Variants in ACAD10 observed in about 807,000 individuals in gnomAD.
The protein encoded by ACAD10 is ACAD-10.
In ACAD10, 112 loss-of-function variants were observed where a neutral mutation model predicts 116.8. That is an observed-to-expected ratio of 0.96 (90% CI 0.82 to 1.12). The LOEUF (loss-of-function observed/expected upper bound fraction) is 1.12. Ranked by LOEUF, ACAD10 falls within the 50% of genes most tolerant of loss-of-function variation. The probability of loss-of-function intolerance (pLI) is 0.00; values close to 1 mark genes in which losing one functional copy is unlikely to be tolerated. For missense variants in ACAD10, 1,259 were observed against 1,350.2 expected, an observed-to-expected ratio of 0.93 and a Z score of 1.06; for synonymous variants, 486 against 510.6, an observed-to-expected ratio of 0.95 and a Z score of 0.65.
chr12:111,747,769 G>A (rs1889956053), intron 16 of ACAD10: 4 of 1,049,124 alleles, frequency 3.8e-6, no homozygotes, highest in Non-Finnish European at 3.5e-6. Flanking sequence ...GACTTTTAGG[G>A]ATTGTCCAGT....
At chr12:111,733,199 G>A (rs1479728775) in intron 10 of ACAD10, among the ~76,000 whole-genome samples, 1 of 152,172 alleles carries the variant, frequency 6.6e-6, no homozygotes, top group Non-Finnish European at 1.5e-5. Context: ...CCTGGGCTCA[G>A]TGATGCTCCC....
At chr12:111,748,897 T>C (rs1381030917) in intron 17 of ACAD10, 2 of 1,088,566 alleles carry the variant, frequency 1.8e-6, no homozygotes, top group African/African-American at 3.1e-5. Flanking sequence ...CACTACATTG[T>C]CACAAACCAC....
At chr12:111,694,958 A>G (rs1888155381) in intron 2 of ACAD10, among the ~76,000 whole-genome samples, 1 of 152,034 alleles carries the variant, frequency 6.6e-6, no homozygotes, top group African/African-American at 2.4e-5. Context: ...AGCCTGGGCG[A>G]TTGAGGCTGC....
chr12:111,743,720 T>C (rs1413690883), intron 12 of ACAD10, among the ~76,000 whole-genome samples: 1 of 152,154 alleles, frequency 6.6e-6, no homozygotes, highest in East Asian at 1.9e-4. Context: ...AGGAGGTGTA[T>C]GTACACCACT....
chr12:111,733,742 C>T, intron 10 of ACAD10, 181 bp from the exon 11 acceptor site: 4 of 649,360 alleles, frequency 6.2e-6, no homozygotes, highest in Non-Finnish European at 1.1e-5. Context: ...TTGGCTGAGT[C>T]CAGCTGGAAG....
At position 111,749,276 on chromosome 12, in the gene ACAD10, C is replaced by T. The variant is rs755566586; in HGVS notation, c.2748C>T (p.Pro916=). The change falls in exon 18 of 21, where the codon CCC becomes CCT. Residue 916 remains proline (P), a synonymous_variant. Coordinates refer to ENST00000313698, the MANE Select transcript of ACAD10 (RefSeq NM_025247.6). ...AGATCGCCCAGGGCAGACTGGGCCC[C>T]GGCAGGATCCATCACTGCATGAGGC... ...GFEIAQGRLG[P]GRIHHCMRLI... The T allele has an allele frequency of 3.0e-5, 48 of 1,613,952 alleles. No individual in the cohort carries two copies. Among genetic ancestry groups the T allele is most frequent in the South Asian group, 1.4e-4 (13 of 91,074 alleles).
chr12:111,713,432 C>T (rs1451922351), intron 6 of ACAD10, among the ~76,000 whole-genome samples: 1 of 151,840 alleles, frequency 6.6e-6, no homozygotes, highest in East Asian at 1.9e-4. Context: ...CGAGACCAGG[C>T]TGACCAACAT....
chr12:111,732,866 TCAA>T (rs1381758623), intron 10 of ACAD10, among the ~76,000 whole-genome samples: 3 of 152,376 alleles, frequency 2.0e-5, no homozygotes, highest in South Asian at 4.1e-4. Flanking sequence ...TGAGTGGCTG[TCAA>T]CAACGACAGC....
intron 19 of ACAD10, 49 bp from the exon 20 acceptor site, chr12:111,755,619 C>A: frequency 6.7e-7 from 1 of 1,499,634 alleles, no homozygotes. Flanking sequence ...CACTCTGCCA[C>A]CCAGGCTGCC....
chr12:111,692,787 C>T lies in ACAD10; in HGVS notation c.78C>T (p.Arg26=), dbSNP rs757908259. The T allele has an allele frequency of 1.2e-5, 19 of 1,614,106 alleles. No homozygotes were observed. The highest frequency in any genetic ancestry group is 1.5e-5 in the Non-Finnish European group (18 of 1,180,046). The change falls in exon 2 of 21, where the codon CGC becomes CGT. Residue 26 remains arginine, a synonymous_variant. Transcript: ENST00000313698. The part of the protein sequence containing the change: ...WRTAFLKHTQ[R]RHQGSHRWTH... ...CAGCCTTCCTGAAACACACCCAGCG[C>T]AGGCACCAGGGGTCCCACCGATGGA...
At position 111,715,829 on chromosome 12, in the gene ACAD10, G is replaced by C. The variant is rs905161642; in HGVS notation, c.859G>C (p.Glu287Gln). ...LLGIQTTGPLELLQFDHGQSN... is the reference protein window; with the variant it reads ...LLGIQTTGPLQLLQFDHGQSN... ...TGTTTTCAAACTTGCAGGCCCATTG[G>C]AACTACTTCAGTTTGATCACGGGCA... Residue 287 changes from glutamate (E) to glutamine (Q), a missense_variant, in exon 7 of 21, where the codon GAA (glutamate) becomes CAA (glutamine). By Grantham distance (29) the Glu-to-Gln change is conservative. Transcript: ENST00000313698. The C allele has an allele frequency of 6.2e-7, 1 of 1,614,072 alleles. No individual in the cohort carries two copies. The highest frequency in any genetic ancestry group is 1.3e-5 in the African/African-American group (1 of 74,932).
chr12:111,704,664 TTTTCTTTCTTTC>T (rs755036420), intron 3 of ACAD10, among the ~76,000 whole-genome samples: 13 of 149,038 alleles, frequency 8.7e-5, no homozygotes, highest in East Asian at 2.0e-4. Context: ...AATATAAGAG[TTTTCTTTCTTTC>T]TTTCTTTCTT....
rs561133629 is a variant in ACAD10 at position 111,738,767 on chromosome 12, T to C, written c.1714+1763T>C. Among the ~76,000 whole-genome samples the C allele has an allele frequency of 2.0e-5, 3 of 152,122 alleles. No homozygotes were observed. In the South Asian group the frequency reaches 6.2e-4, roughly 32 times the overall value. On this transcript the variant is annotated intron_variant, in intron 12 of 20. Transcript: ENST00000313698. The stretch of plus-strand genomic sequence containing the variant: ...CTAAAATCCCAGCTACTCAGGGGAC[T>C]GAGGCAGGAGAGAGAATCACTTGAA...
intron 6 of ACAD10, among the ~76,000 whole-genome samples, chr12:111,713,311 G>T (rs922462832): frequency 7.1e-6 from 1 of 141,148 alleles, no homozygotes; most frequent in Non-Finnish European, 1.5e-5. Flanking sequence ...ACTCCATCTC[G>T]GGGGGAAAAA....
rs1889972493 is a variant in ACAD10 at position 111,748,302 on chromosome 12, C to G, written c.2486-15C>G. The stretch of plus-strand genomic sequence containing the variant: ...GTGTCAGATGATGGGGTCTGTCTCT[C>G]TCCTTTCCTGGCAGGCATCCTGGAT... On this transcript the variant is annotated splice_polypyrimidine_tract_variant and intron_variant, in intron 16 of 20. Transcript: ENST00000313698. 1 of 1,613,890 alleles carries G rather than the reference C, an allele frequency of 6.2e-7. No individual in the cohort carries two copies. The highest frequency in any genetic ancestry group is 1.1e-5 in the South Asian group (1 of 91,080).
chr12:111,714,640 C>T (rs1042941857), intron 6 of ACAD10, among the ~76,000 whole-genome samples: 4 of 151,690 alleles, frequency 2.6e-5, no homozygotes, highest in South Asian at 2.1e-4. Context: ...CCAGCCTGGA[C>T]GACAGAGGGA....
intron 12 of ACAD10, among the ~76,000 whole-genome samples, chr12:111,741,430 CT>C (rs1889738054): frequency 6.6e-6 from 1 of 152,194 alleles, no homozygotes; most frequent in South Asian, 2.1e-4. Context: ...AGTCTCCACA[CT>C]GAGTGTCCTC....
At chr12:111,736,396 G>C (rs945346282) in intron 11 of ACAD10, among the ~76,000 whole-genome samples, 1 of 151,804 alleles carries the variant, frequency 6.6e-6, no homozygotes, top group African/African-American at 2.4e-5. Context: ...TCACCATATT[G>C]GTCAGGCCGG....
chr12:111,689,043 T>C (rs1475670588), intron 1 of ACAD10, among the ~76,000 whole-genome samples: 6 of 151,346 alleles, frequency 4.0e-5, no homozygotes, highest in African/African-American at 1.5e-4. Flanking sequence ...ACACAAAAAT[T>C]AGCCAGGCGT....
Sources: gnomAD v4.1 joint callset for allele counts (sites outside exome capture counted in the v4.1 genomes callset) on GRCh38, gnomAD v4.1.1 for gene constraint, MANE v1.5 for transcripts, NCBI Gene and HGNC (gene_info 2026-07-23, HGNC 2026-07-21) for gene names.